PARM1: variants seen among roughly 807,000 people sequenced by gnomAD.
The protein encoded by PARM1 is prostate androgen-regulated mucin-like protein 1.
In PARM1, 14 loss-of-function variants were observed where a neutral mutation model predicts 24.6. That is an observed-to-expected ratio of 0.57 (90% confidence interval 0.38 to 0.89). PARM1 has a LOEUF of 0.89. PARM1 is among the 40% of genes least tolerant of loss of function. The pLI is 0.00. For synonymous variants in PARM1, 179 were observed against 156.6 expected (o/e 1.14, Z -1.07); for missense variants, 362 against 380.4 (o/e 0.95, Z 0.40).
chr4:75,008,442 T>A (rs2109791574), intron 1 of PARM1, among the ~76,000 whole-genome samples: 1 of 152,346 alleles, frequency 6.6e-6, no homozygotes, highest in Non-Finnish European at 1.5e-5. Flanking sequence ...AGCACTGTAA[T>A]GATTTCTATG....
chr4:74,936,261 G>T (rs1348062234), intron 1 of PARM1, among the ~76,000 whole-genome samples: 1 of 152,022 alleles, frequency 6.6e-6, no homozygotes, highest in Non-Finnish European at 1.5e-5. Context: ...CCAGGATAAG[G>T]CATATTGGAG....
intron 2 of PARM1, among the ~76,000 whole-genome samples, chr4:75,021,198 A>G (rs776309831): frequency 5.9e-5 from 9 of 152,210 alleles, no homozygotes; most frequent in Non-Finnish European, 1.2e-4. Context: ...AGCCTCATTA[A>G]TCCTGAGCTT....
chr4:75,003,508 C>G (rs1578046779), intron 1 of PARM1, among the ~76,000 whole-genome samples: 1 of 152,100 alleles, frequency 6.6e-6, no homozygotes, highest in Non-Finnish European at 1.5e-5. Flanking sequence ...GGCTAGAAAA[C>G]AGAAGCTCTT....
intron 1 of PARM1, chr4:74,965,342 A>G (rs1721876050): frequency 6.6e-6 from 1 of 152,176 alleles, no homozygotes; most frequent in Non-Finnish European, 1.5e-5. Context: ...GCATAGCAAG[A>G]AAAAGTGGGG....
intron 2 of PARM1, among the ~76,000 whole-genome samples, chr4:75,019,216 G>A (rs1037355996): frequency 6.6e-6 from 1 of 152,232 alleles, no homozygotes; most frequent in Non-Finnish European, 1.5e-5. Context: ...TATGACTACA[G>A]TGTGTGTTTG....
intron 3 of PARM1, among the ~76,000 whole-genome samples, chr4:75,038,996 G>T (rs1279220082): frequency 6.6e-6 from 1 of 152,200 alleles, no homozygotes; most frequent in Non-Finnish European, 1.5e-5. Context: ...AAGACGTCTT[G>T]TTAGAAGTCA....
intron 1 of PARM1, among the ~76,000 whole-genome samples, chr4:74,990,411 TTTGC>T (rs1722443689): frequency 6.6e-6 from 1 of 152,130 alleles, no homozygotes; most frequent in African/African-American, 2.4e-5. Context: ...GAGGAAAAGT[TTTGC>T]AGCTGCAATG....
intron 2 of PARM1, among the ~76,000 whole-genome samples, chr4:75,019,254 A>G (rs765655717): frequency 1.3e-5 from 2 of 152,252 alleles, no homozygotes; most frequent in African/African-American, 2.4e-5. Context: ...GAATGGTGCT[A>G]TGAACAATTT....
chr4:74,933,570 G>T lies in PARM1; in HGVS notation c.43+200G>T, dbSNP rs1308279946. Among the ~76,000 whole-genome samples, 3 of 152,272 alleles carry T rather than the reference G, an allele frequency of 2.0e-5. No individual in the cohort carries two copies. In the East Asian group the frequency reaches 5.8e-4, roughly 29 times the overall value. On this transcript the variant is annotated intron_variant, in intron 1 of 3. Coordinates refer to ENST00000307428, the MANE Select transcript of PARM1 (RefSeq NM_015393.4). ...CCGTACTGAGGGAGGGGACGATGGG[G>T]TCCTTCCTGCCGCAGCCCGCGCCCG...
intron 1 of PARM1, chr4:74,965,407 T>C (rs953318019): frequency 1.3e-5 from 2 of 152,126 alleles, no homozygotes; most frequent in African/African-American, 4.8e-5. Flanking sequence ...CCTGGGCAAG[T>C]GGAGGATACA....
intron 2 of PARM1, among the ~76,000 whole-genome samples, chr4:75,017,326 G>A (rs28648865): frequency 0.03 from 4,557 of 152,224 alleles, 235 homozygotes; most frequent in African/African-American, 0.1. Flanking sequence ...CAGGTCATAG[G>A]ACCTCTACCC....
At chr4:75,013,270 T>C in intron 2 of PARM1, 120 bp downstream of exon 2, 1 of 1,060,512 alleles carries the variant, frequency 9.4e-7, no homozygotes, top group Non-Finnish European at 1.3e-6. Flanking sequence ...AGTTGAATTA[T>C]AATTCACAAG....
chr4:75,046,537 A>G lies in PARM1; in HGVS notation c.*290A>G, dbSNP rs1578064374. 3.5e-6 allele frequency: 1 copy of G among 282,700 alleles called. No homozygotes were observed. Among genetic ancestry groups the G allele is most frequent in the African/African-American group, 2.2e-5 (1 of 46,194 alleles). The allele number at this position is 282,700 out of a possible 1,614,324, so 17.5% of individuals were successfully genotyped here. A position where few individuals can be genotyped will look rare whatever the true frequency, so the allele number is the denominator to read the frequency against. ...TGAAGGCTTCTTTCCCCACTGCAGG[A>G]CCCACTTTGAGAAGGACCGAGGAGG... On this transcript the variant is annotated 3_prime_UTR_variant, in exon 4 of 4. Coordinates refer to ENST00000307428, the MANE Select transcript of PARM1 (RefSeq NM_015393.4).
chr4:75,014,850 T>C (rs1057437892), intron 2 of PARM1, among the ~76,000 whole-genome samples: 4 of 152,178 alleles, frequency 2.6e-5, no homozygotes, highest in African/African-American at 4.8e-5. Flanking sequence ...TGAATGTGTA[T>C]CTTCAGTCTG....
In PARM1 at chr4:75,048,881, A is replaced by G. The variant is rs1259806155; in HGVS notation, c.*2634A>G. 2.0e-5 allele frequency: 3 copies of G among 152,658 alleles called. No individual in the cohort carries two copies. 9.5% of individuals were successfully genotyped at this position (152,658 alleles called of 1,614,324 possible). A position where few individuals can be genotyped will look rare whatever the true frequency, so the allele number is the denominator to read the frequency against. ...GGTTGAACCTTATTTTGCCAAATGT[A>G]TCTTTTCTGCTTTTGAATTGGGCAG... On this transcript the variant is annotated 3_prime_UTR_variant, in exon 4 of 4. Transcript: ENST00000307428.
At position 74,969,158 on chromosome 4, in the gene PARM1, G is replaced by A. The variant is rs114096341; in HGVS notation, c.43+35788G>A. On this transcript the variant is annotated intron_variant, in intron 1 of 3. Transcript: ENST00000307428. ...CTCCTGGCAATGAGGGAGAGGGTGCGGAAGGGCAGCCGACATCCCCTACTC... is the reference window on the plus strand; with the variant it reads ...CTCCTGGCAATGAGGGAGAGGGTGCAGAAGGGCAGCCGACATCCCCTACTC... Among the ~76,000 whole-genome samples, 704 of 152,246 alleles carry A rather than the reference G, an allele frequency of 4.6e-3. 5 individuals are homozygous for A. The highest frequency in any genetic ancestry group is 0.016 in the African/African-American group (649 of 41,556).
At chr4:75,018,920 G>A (rs17000093) in intron 2 of PARM1, among the ~76,000 whole-genome samples, 10,009 of 152,244 alleles carry the variant, frequency 0.066, 1,121 homozygotes, top group African/African-American at 0.23. Flanking sequence ...AATTAGTAGA[G>A]ACACAGAGTT....
At chr4:75,004,913 T>C (rs1274469150) in intron 1 of PARM1, among the ~76,000 whole-genome samples, 2 of 152,202 alleles carry the variant, frequency 1.3e-5, no homozygotes, top group African/African-American at 4.8e-5. Context: ...CAGTGTTGCA[T>C]TCAAGCTTCA....
chr4:74,994,908 A>C (rs1722548888), intron 1 of PARM1, among the ~76,000 whole-genome samples: 1 of 152,146 alleles, frequency 6.6e-6, no homozygotes, highest in Non-Finnish European at 1.5e-5. Context: ...GAACACTTCA[A>C]AACTGGGAAG....
Sources: allele counts gnomAD v4.1 joint callset (sites outside exome capture counted in the v4.1 genomes callset), GRCh38; gene constraint gnomAD v4.1.1; transcripts MANE v1.5; gene names NCBI Gene and HGNC (gene_info 2026-07-23, HGNC 2026-07-21).